The following KCNIP4 variants were observed in gnomAD, a reference collection of about 807,000 sequenced individuals.
KCNIP4 encodes the protein potassium voltage-gated channel interacting protein 4.
Under a neutral mutation model 34.0 loss-of-function variants are expected in KCNIP4, and 12 were observed. The ratio of observed to expected loss-of-function variants is 0.35; its 90% CI spans 0.23 to 0.57. The LOEUF is 0.57. KCNIP4 is among the 20% of genes least tolerant of loss of function. KCNIP4 has a pLI of 0.83. For missense variants in KCNIP4, 238 were observed against 311.7 expected, an observed-to-expected ratio of 0.76 and a Z score of 1.78; for synonymous variants, 124 against 102.2, an observed-to-expected ratio of 1.21 and a Z score of -1.29.
intron 3 of KCNIP4, among the ~76,000 whole-genome samples, chr4:20,797,351 G>C (rs1435063071): frequency 6.6e-6 from 1 of 152,168 alleles, no homozygotes; most frequent in Non-Finnish European, 1.5e-5. Context: ...TGTGACTTCA[G>C]AGAGAATAAT....
intron 3 of KCNIP4, among the ~76,000 whole-genome samples, chr4:20,792,128 C>G (rs62411670): frequency 6.6e-6 from 1 of 152,200 alleles, no homozygotes; most frequent in Non-Finnish European, 1.5e-5. Context: ...AATCCCAGCA[C>G]TTTGAGAAGC....
intron 1 of KCNIP4, among the ~76,000 whole-genome samples, chr4:21,519,508 G>GTATATACACATATGTGTGTATGTGTA (rs1735172714): frequency 1.6e-4 from 9 of 56,840 alleles, no homozygotes; most frequent in Admixed American, 4.2e-4. Flanking sequence ...ATGTGTATGT[G>GTATATACACATATGTGTGTATGTGTA]TATATACACA....
intron 1 of KCNIP4, among the ~76,000 whole-genome samples, chr4:21,738,944 C>A (rs1033777986): frequency 6.6e-6 from 1 of 152,062 alleles, no homozygotes; most frequent in Non-Finnish European, 1.5e-5. Context: ...TATTATAAGA[C>A]ACAAATATCT....
intron 1 of KCNIP4, among the ~76,000 whole-genome samples, chr4:21,732,414 C>T (rs1442161228): frequency 6.6e-6 from 1 of 152,130 alleles, no homozygotes; most frequent in African/African-American, 2.4e-5. Flanking sequence ...AGTGAGAAAG[C>T]AGAGGCGTAA....
chr4:21,678,305 A>ATTTTTTTTTTTTTTTTTTTTTT (rs59561334), intron 1 of KCNIP4, among the ~76,000 whole-genome samples: 1 of 117,598 alleles, frequency 8.5e-6, no homozygotes, highest in Non-Finnish European at 1.7e-5. Flanking sequence ...TCTTCTTTTG[A>ATTTTTTTTTTTTTTTTTTTTTT]TTTTTTTTTT....
intron 1 of KCNIP4, among the ~76,000 whole-genome samples, chr4:21,463,840 G>A (rs767393712): frequency 1.3e-5 from 2 of 151,798 alleles, no homozygotes; most frequent in East Asian, 3.9e-4. Flanking sequence ...TCTGGAATTG[G>A]GCTTTAAGTT....
intron 1 of KCNIP4, among the ~76,000 whole-genome samples, chr4:21,087,100 C>T (rs998901426): frequency 6.6e-6 from 1 of 150,800 alleles, no homozygotes; most frequent in Non-Finnish European, 1.5e-5. Flanking sequence ...CTGCTTTGGC[C>T]TCCCGAGTAG....
chr4:20,772,734 T>G (rs1489045769), intron 3 of KCNIP4, among the ~76,000 whole-genome samples: 1 of 151,902 alleles, frequency 6.6e-6, no homozygotes, highest in Admixed American at 6.6e-5. Flanking sequence ...CTCCATCTCC[T>G]AGGTTCAAGC....
At chr4:20,838,495 A>G (rs567032829) in intron 3 of KCNIP4, among the ~76,000 whole-genome samples, 2 of 152,292 alleles carry the variant, frequency 1.3e-5, no homozygotes, top group South Asian at 2.1e-4. Context: ...CAGAAACTAC[A>G]TTTCCCATCT....
At chr4:20,875,860 A>G (rs1324302644) in intron 2 of KCNIP4, among the ~76,000 whole-genome samples, 2 of 152,214 alleles carry the variant, frequency 1.3e-5, no homozygotes, top group East Asian at 3.9e-4. Context: ...AAAAATTTCT[A>G]TGATCAATAT....
At chr4:21,179,326 A>T (rs996487536) in intron 1 of KCNIP4, among the ~76,000 whole-genome samples, 1 of 152,174 alleles carries the variant, frequency 6.6e-6, no homozygotes, top group South Asian at 2.1e-4. Context: ...TCAAACATTG[A>T]GATCATAGTA....
chr4:21,263,582 G>A (rs1019751327), intron 1 of KCNIP4, among the ~76,000 whole-genome samples: 4 of 152,230 alleles, frequency 2.6e-5, no homozygotes, highest in East Asian at 1.9e-4. Flanking sequence ...CCTTCAAATC[G>A]GCACCACCAC....
At chr4:20,839,128 C>T (rs1208050653) in intron 3 of KCNIP4, among the ~76,000 whole-genome samples, 3 of 152,052 alleles carry the variant, frequency 2.0e-5, no homozygotes, top group Non-Finnish European at 4.4e-5. Flanking sequence ...AAGAACAAAT[C>T]TGTGTTTTCT....
At chr4:20,802,621 A>T (rs1277473118) in intron 3 of KCNIP4, among the ~76,000 whole-genome samples, 2 of 152,186 alleles carry the variant, frequency 1.3e-5, no homozygotes, top group African/African-American at 4.8e-5. Context: ...AGGTTTTAAA[A>T]ATTTAAGAAT....
intron 3 of KCNIP4, among the ~76,000 whole-genome samples, chr4:20,778,879 G>A (rs1756605623): frequency 6.6e-6 from 1 of 152,134 alleles, no homozygotes; most frequent in Non-Finnish European, 1.5e-5. Context: ...GCATGTAAAA[G>A]TTGTTGTTAT....
intron 1 of KCNIP4, among the ~76,000 whole-genome samples, chr4:21,363,012 A>T (rs750047149): frequency 4.6e-5 from 7 of 152,166 alleles, no homozygotes; most frequent in Non-Finnish European, 7.3e-5. Context: ...AGTACTAAGT[A>T]CTTTATACAT....
chr4:21,245,753 C>G (rs1030204641), intron 1 of KCNIP4, among the ~76,000 whole-genome samples: 1 of 152,096 alleles, frequency 6.6e-6, no homozygotes, highest in East Asian at 1.9e-4. Context: ...CCCAGGTGAC[C>G]GTGCAAATCC....
intron 1 of KCNIP4, among the ~76,000 whole-genome samples, chr4:21,785,258 T>TATC (rs1560712524): frequency 6.0e-5 from 1 of 16,646 alleles, no homozygotes; most frequent in East Asian, 1.6e-3. Context: ...TTTGTGCAGC[T>TATC]ATCACAATTA....
intron 1 of KCNIP4, among the ~76,000 whole-genome samples, chr4:21,542,510 C>G (rs113613507): frequency 2.6e-5 from 4 of 151,774 alleles, no homozygotes; most frequent in African/African-American, 9.7e-5. Flanking sequence ...ATATAAAGCT[C>G]TTGATTAGGA....
Sources: allele counts gnomAD v4.1 joint callset (sites outside exome capture counted in the v4.1 genomes callset), GRCh38; gene constraint gnomAD v4.1.1; transcripts MANE v1.5; gene names NCBI Gene and HGNC (gene_info 2026-07-23, HGNC 2026-07-21).